Variants in SLIT3 observed in about 807,000 individuals in gnomAD.
The protein encoded by SLIT3 is slit homolog 3 protein.
SLIT3 carries 68 observed loss-of-function variants against 184.0 expected under a neutral mutation model. The observed-to-expected ratio is 0.37, with a 90% confidence interval of 0.30 to 0.45. The LOEUF (loss-of-function observed/expected upper bound fraction) is 0.45, where lower values mean the gene tolerates loss of function less well. Among genes scored for constraint, SLIT3 ranks in the 20% least tolerant of loss-of-function variants. The pLI is 1.00. For synonymous variants in SLIT3, 831 were observed against 828.6 expected (o/e 1.00, Z -0.05); for missense variants, 1,707 against 2,026.0 (o/e 0.84, Z 3.02).
At chr5:168,677,973 T>C (rs905897182) in intron 32 of SLIT3, among the ~76,000 whole-genome samples, 2 of 152,198 alleles carry the variant, frequency 1.3e-5, no homozygotes, top group African/African-American at 4.8e-5. Context: ...CTCAGGGCTC[T>C]GTATACTCCC....
At chr5:168,800,011 C>T (rs1756708198) in intron 9 of SLIT3, among the ~76,000 whole-genome samples, 2 of 152,076 alleles carry the variant, frequency 1.3e-5, no homozygotes, top group Admixed American at 1.3e-4. Flanking sequence ...AACTCTTTCC[C>T]ATCTCTCTCA....
Position 168,819,059 on chromosome 5 carries a change from T to G in SLIT3, c.630-1596A>C, listed in dbSNP as rs144599649. Among the ~76,000 whole-genome samples the G allele has an allele frequency of 7.1e-3, 1,075 of 152,384 alleles. 18 individuals carry two copies. The highest frequency in any genetic ancestry group is 0.024 in the African/African-American group (1,019 of 41,592). ...GGTTGCACACACTTTCACAGGCTCC[T>G]GGGCCCAAGATACAGTGAGTACAAT... On this transcript the variant is annotated intron_variant, in intron 7 of 35. Coordinates refer to ENST00000519560, the MANE Select transcript of SLIT3 (RefSeq NM_003062.4).
chr5:168,945,698 AC>A (rs1762454177), intron 4 of SLIT3, among the ~76,000 whole-genome samples: 1 of 152,208 alleles, frequency 6.6e-6, no homozygotes, highest in Non-Finnish European at 1.5e-5. Context: ...GAGAGAGAAA[AC>A]AATCCCGACT....
Position 169,186,882 on chromosome 5 carries a change from A to G in SLIT3, c.413+6597T>C, listed in dbSNP as rs889286817. On this transcript the variant is annotated intron_variant, in intron 4 of 35. Coordinates refer to ENST00000519560, the MANE Select transcript of SLIT3 (RefSeq NM_003062.4). ...TGCTCCACCATGATACCATGATAACAGCGCCAGTGACTTGGGGCTAAGTTG... is the reference window on the plus strand; with the variant it reads ...TGCTCCACCATGATACCATGATAACGGCGCCAGTGACTTGGGGCTAAGTTG... 7.3e-5 allele frequency among the ~76,000 whole-genome samples: 11 copies of G among 151,468 alleles called. No homozygotes were observed. The South Asian group carries it at 1.7e-3, about 23-fold the overall frequency.
intron 3 of SLIT3, among the ~76,000 whole-genome samples, chr5:169,218,039 GT>G (rs1283538021): frequency 4.6e-5 from 7 of 152,196 alleles, no homozygotes; most frequent in Non-Finnish European, 1.0e-4. Context: ...GGCAGAGCAT[GT>G]TGCAAAATGC....
intron 8 of SLIT3, among the ~76,000 whole-genome samples, chr5:168,808,894 A>G (rs1757075651): frequency 6.6e-6 from 1 of 152,160 alleles, no homozygotes; most frequent in Non-Finnish European, 1.5e-5. Flanking sequence ...CTGGCCTTCC[A>G]CATCAAAAGG....
chr5:168,854,284 T>G (rs1193808271), intron 5 of SLIT3, among the ~76,000 whole-genome samples: 1 of 147,728 alleles, frequency 6.8e-6, no homozygotes, highest in Non-Finnish European at 1.5e-5. Context: ...GTCTCAGTAT[T>G]TGTCACTGGG....
intron 3 of SLIT3, among the ~76,000 whole-genome samples, chr5:169,240,933 A>G (rs1765385913): frequency 6.6e-6 from 1 of 151,794 alleles, no homozygotes; most frequent in Non-Finnish European, 1.5e-5. Flanking sequence ...TGACTTAATA[A>G]GGCAATAAAT....
intron 4 of SLIT3, among the ~76,000 whole-genome samples, chr5:168,954,532 T>C (rs1482736962): frequency 6.6e-6 from 1 of 152,194 alleles, no homozygotes; most frequent in African/African-American, 2.4e-5. Flanking sequence ...AGCAGGATCC[T>C]GGAGATAATC....
intron 8 of SLIT3, among the ~76,000 whole-genome samples, chr5:168,815,106 TG>T: frequency 6.6e-6 from 1 of 152,358 alleles, no homozygotes; most frequent in East Asian, 1.9e-4. Flanking sequence ...AAAAGACACC[TG>T]GCTTCATACT....
At chr5:169,213,390 A>C (rs533667226) in intron 3 of SLIT3, among the ~76,000 whole-genome samples, 1 of 152,326 alleles carries the variant, frequency 6.6e-6, no homozygotes, top group East Asian at 1.9e-4. Flanking sequence ...ATCCCTATCA[A>C]GCTGCCATTG....
At chr5:168,728,277 C>CATATATATATAT (rs3061738) in intron 20 of SLIT3, among the ~76,000 whole-genome samples, 4,000 of 140,682 alleles carry the variant, frequency 0.028, 79 homozygotes, top group Non-Finnish European at 0.044. Context: ...TAATCAACAA[C>CATATATATATAT]ATATATATAT....
intron 4 of SLIT3, among the ~76,000 whole-genome samples, chr5:169,128,356 G>A (rs556756180): frequency 7.3e-5 from 11 of 150,556 alleles, no homozygotes; most frequent in Admixed American, 5.3e-4. Context: ...AAATCACTTC[G>A]CTCTTCAGTA....
chr5:169,234,132 T>C (rs911273054), intron 3 of SLIT3, among the ~76,000 whole-genome samples: 3 of 152,364 alleles, frequency 2.0e-5, no homozygotes, highest in South Asian at 2.1e-4. Flanking sequence ...ACAATAAAAG[T>C]ATATTTGTTG....
At position 169,297,276 on chromosome 5, in the gene SLIT3, G is replaced by A. The variant is rs559007893; in HGVS notation, c.197+3237C>T. On this transcript the variant is annotated intron_variant, in intron 1 of 35. Transcript: ENST00000519560. ...TAAAAGACAGAGTTTCTTTTTCTGC[G>A]TGATGTTCTGACATTATAGGGAAGA... Among the ~76,000 whole-genome samples the A allele has an allele frequency of 1.4e-4, 21 of 152,266 alleles. No individual in the cohort carries two copies. In the East Asian group the frequency reaches 1.9e-3, roughly 14 times the overall value.
chr5:169,035,775 G>A (rs1757221413), intron 4 of SLIT3, among the ~76,000 whole-genome samples: 1 of 152,184 alleles, frequency 6.6e-6, no homozygotes, highest in South Asian at 2.1e-4. Flanking sequence ...ACTTGCCCAA[G>A]GTCACACAGT....
In SLIT3 at chr5:168,689,269, C is replaced by T. The variant is rs146124457; in HGVS notation, c.3177-2153G>A. Reference sequence around the variant, plus strand: ...TACTTCTCCATCAACTAAAGAGAGGCAGCTGGTGCTGTAACCTGCATTCTC... The same window carrying T: ...TACTTCTCCATCAACTAAAGAGAGGTAGCTGGTGCTGTAACCTGCATTCTC... On this transcript the variant is annotated intron_variant, in intron 29 of 35. Coordinates refer to ENST00000519560, the MANE Select transcript of SLIT3 (RefSeq NM_003062.4). Among the ~76,000 whole-genome samples, 666 of 152,342 alleles carry T rather than the reference C, an allele frequency of 4.4e-3. 5 individuals are homozygous for T. Among genetic ancestry groups the T allele is most frequent in the African/African-American group, 0.015 (634 of 41,588 alleles).
chr5:169,264,831 G>C (rs1330366366), intron 1 of SLIT3, among the ~76,000 whole-genome samples: 1 of 152,146 alleles, frequency 6.6e-6, no homozygotes, highest in Non-Finnish European at 1.5e-5. Flanking sequence ...ACGCATTTGG[G>C]AAAGAAATGA....
chr5:168,760,712 C>A, intron 16 of SLIT3, 150 bp downstream of exon 16: 1 of 629,176 alleles, frequency 1.6e-6, no homozygotes, highest in South Asian at 1.9e-5. Flanking sequence ...GTCTTGCTTC[C>A]TAACAGAGGC....
Sources: gnomAD v4.1 joint callset for allele counts (sites outside exome capture counted in the v4.1 genomes callset) on GRCh38, gnomAD v4.1.1 for gene constraint, MANE v1.5 for transcripts, NCBI Gene and HGNC (gene_info 2026-07-23, HGNC 2026-07-21) for gene names.